HTR1F: variants seen among roughly 807,000 people sequenced by gnomAD.
HTR1F encodes 5-hydroxytryptamine receptor 1F, also known as 5-hydroxytryptamine (serotonin) receptor 1F, G protein-coupled.
In HTR1F, 17 loss-of-function variants were observed where a neutral mutation model predicts 24.0. The ratio of observed to expected loss-of-function variants is 0.71; its 90% CI spans 0.48 to 1.06. The LOEUF is 1.06. HTR1F is among the 50% of genes least tolerant of loss of function. The pLI, the probability that HTR1F is intolerant of heterozygous loss-of-function variation, is 0.00. For missense variants in HTR1F, 391 were observed against 427.8 expected (o/e 0.91, Z 0.76); for synonymous variants, 186 against 156.8 (o/e 1.19, Z -1.39).
At chr3:87,822,661 G>T (rs1704382165) in intron 2 of HTR1F, among the ~76,000 whole-genome samples, 1 of 152,252 alleles carries the variant, frequency 6.6e-6, no homozygotes, top group South Asian at 2.1e-4. Flanking sequence ...TTTAAGAACA[G>T]CTACTGCTTA....
At chr3:87,950,437 C>A (rs1704807410) in intron 2 of HTR1F, among the ~76,000 whole-genome samples, 2 of 151,478 alleles carry the variant, frequency 1.3e-5, no homozygotes, top group Admixed American at 6.6e-5. Context: ...TTCTTTTTTT[C>A]TTTCAACCCT....
chr3:87,962,316 G>A (rs1360636189), intron 2 of HTR1F, among the ~76,000 whole-genome samples: 1 of 152,058 alleles, frequency 6.6e-6, no homozygotes, highest in Non-Finnish European at 1.5e-5. Flanking sequence ...GAGAAATAAA[G>A]ATTGACAGTG....
At chr3:87,965,956 G>T (rs1335280259) in intron 2 of HTR1F, among the ~76,000 whole-genome samples, 2 of 152,142 alleles carry the variant, frequency 1.3e-5, no homozygotes, top group Admixed American at 6.5e-5. Flanking sequence ...GTCCTTTAGG[G>T]ACTTCATATT....
In HTR1F at chr3:87,991,487, A is replaced by G. The variant is rs971347378; in HGVS notation, c.738A>G (p.Val246=). 2.5e-6 allele frequency: 4 copies of G among 1,614,028 alleles called. No individual in the cohort carries two copies. In the African/African-American group the frequency reaches 5.3e-5, roughly 22 times the overall value. The part of the protein sequence containing the change: ...KSTKSVSTSY[V]LEKSLSDPST... ...CTAAATCAGTTTCCACATCCTATGT[A>G]CTAGAAAAGTCTTTATCTGACCCAT... is the stretch of plus-strand genomic sequence containing the variant. Residue 246 remains valine (V), a synonymous_variant, in exon 3 of 3, where the codon GTA becomes GTG. Coordinates refer to ENST00000319595, the MANE Select transcript of HTR1F (RefSeq NM_001322209.2).
chr3:87,938,294 C>G (rs545044303), intron 2 of HTR1F, among the ~76,000 whole-genome samples: 2 of 152,242 alleles, frequency 1.3e-5, no homozygotes, highest in Admixed American at 6.5e-5. Flanking sequence ...GGAGATGATA[C>G]AAACAAATGG....
At chr3:87,980,151 G>A (rs1298842144) in intron 2 of HTR1F, among the ~76,000 whole-genome samples, 2 of 152,220 alleles carry the variant, frequency 1.3e-5, no homozygotes, top group Non-Finnish European at 2.9e-5. Flanking sequence ...AAGGAAGAGT[G>A]AGGTACATGG....
chr3:87,965,600 T>C (rs994386738), intron 2 of HTR1F, among the ~76,000 whole-genome samples: 7 of 152,156 alleles, frequency 4.6e-5, no homozygotes, highest in Non-Finnish European at 7.3e-5. Flanking sequence ...TCAATAGACA[T>C]ATTCCAGGGA....
chr3:87,823,188 A>G (rs1312682453), intron 2 of HTR1F, among the ~76,000 whole-genome samples: 1 of 152,198 alleles, frequency 6.6e-6, no homozygotes, highest in African/African-American at 2.4e-5. Flanking sequence ...AATTAAATGG[A>G]TGGCAGGAAT....
intron 2 of HTR1F, among the ~76,000 whole-genome samples, chr3:87,830,871 A>G (rs1323803382): frequency 6.6e-6 from 1 of 152,186 alleles, no homozygotes; most frequent in African/African-American, 2.4e-5. Context: ...ACTGAAAAAT[A>G]TTTTACAATG....
At chr3:87,920,239 G>A (rs1703984682) in intron 2 of HTR1F, among the ~76,000 whole-genome samples, 1 of 151,738 alleles carries the variant, frequency 6.6e-6, no homozygotes, top group Admixed American at 6.6e-5. Context: ...ATGGACTTTG[G>A]GGACTCAGGG....
chr3:87,947,074 A>C (rs2107454426), intron 2 of HTR1F, among the ~76,000 whole-genome samples: 1 of 152,336 alleles, frequency 6.6e-6, no homozygotes, highest in South Asian at 2.1e-4. Flanking sequence ...CTTTCTTTTC[A>C]AGTGTGTCTT....
At chr3:87,843,994 G>A (rs1158466787) in intron 2 of HTR1F, among the ~76,000 whole-genome samples, 1 of 150,832 alleles carries the variant, frequency 6.6e-6, no homozygotes, top group African/African-American at 2.5e-5. Flanking sequence ...ACATACGTGT[G>A]CATGTGTCTT....
chr3:87,974,138 A>G (rs1705343568), intron 2 of HTR1F, among the ~76,000 whole-genome samples: 1 of 152,196 alleles, frequency 6.6e-6, no homozygotes, highest in African/African-American at 2.4e-5. Context: ...TTCCATGCAG[A>G]AGCCATGCCC....
At chr3:87,935,343 T>A (rs558413361) in intron 2 of HTR1F, among the ~76,000 whole-genome samples, 1 of 152,338 alleles carries the variant, frequency 6.6e-6, no homozygotes, top group East Asian at 1.9e-4. Flanking sequence ...TGACTCTGCA[T>A]TGCATTGACT....
chr3:87,864,083 C>T (rs1447765387), intron 2 of HTR1F, among the ~76,000 whole-genome samples: 3 of 152,182 alleles, frequency 2.0e-5, no homozygotes, highest in Admixed American at 6.5e-5. Context: ...CCATCCTCCA[C>T]ATTTAAAGAC....
intron 2 of HTR1F, among the ~76,000 whole-genome samples, chr3:87,846,406 C>G (rs538084466): frequency 6.6e-6 from 1 of 151,748 alleles, no homozygotes; most frequent in East Asian, 1.9e-4. Flanking sequence ...CACTGCACTC[C>G]ACCCTGGGTG....
intron 2 of HTR1F, among the ~76,000 whole-genome samples, chr3:87,941,016 C>T (rs550698632): frequency 3.3e-5 from 5 of 152,288 alleles, no homozygotes; most frequent in African/African-American, 1.2e-4. Context: ...TCAGGTAGGC[C>T]ATGGGTTGCA....
chr3:87,934,051 G>A (rs1013279212), intron 2 of HTR1F, among the ~76,000 whole-genome samples: 1 of 152,062 alleles, frequency 6.6e-6, no homozygotes, highest in Non-Finnish European at 1.5e-5. Flanking sequence ...ATAATATCTG[G>A]TTCGTCTTTG....
chr3:87,920,704 C>T (rs1247264192), intron 2 of HTR1F, among the ~76,000 whole-genome samples: 1 of 151,750 alleles, frequency 6.6e-6, no homozygotes, highest in Non-Finnish European at 1.5e-5. Context: ...AGAGTAAGAA[C>T]ACACAATGGG....
Sources: allele counts gnomAD v4.1 joint callset (sites outside exome capture counted in the v4.1 genomes callset), GRCh38; gene constraint gnomAD v4.1.1; transcripts MANE v1.5; gene names NCBI Gene and HGNC (gene_info 2026-07-23, HGNC 2026-07-21).